Variants in SKI observed in about 807,000 individuals in gnomAD.
SKI encodes the protein ski oncogene.
A neutral mutation model predicts 59.3 loss-of-function variants in SKI; 23 were observed. The observed-to-expected ratio is 0.39, with a 90% CI of 0.28 to 0.55. The LOEUF (loss-of-function observed/expected upper bound fraction) is 0.55, where lower values mean the gene tolerates loss of function less well. Ranked by LOEUF, SKI falls within the 20% of genes least tolerant of loss-of-function variation. The probability of loss-of-function intolerance (pLI) is 0.67; values close to 1 mark genes in which losing one functional copy is unlikely to be tolerated. For missense variants in SKI, 1,017 were observed against 1,038.9 expected, an observed-to-expected ratio of 0.98 and a Z score of 0.29; for synonymous variants, 673 against 488.6, an observed-to-expected ratio of 1.38 and a Z score of -4.98.
chr1:2,257,965 C>T (rs1055020678), intron 1 of SKI, among the ~76,000 whole-genome samples: 9 of 152,024 alleles, frequency 5.9e-5, no homozygotes, highest in East Asian at 3.9e-4. Flanking sequence ...CTCGAACTCC[C>T]GACCTCAGGT....
chr1:2,239,271 A>G (rs565396210), intron 1 of SKI, among the ~76,000 whole-genome samples: 11 of 152,152 alleles, frequency 7.2e-5, no homozygotes, highest in Admixed American at 1.3e-4. Flanking sequence ...TTTTGTTAAC[A>G]TTCTTGGATG....
chr1:2,271,932 C>T (rs577129954), intron 1 of SKI, among the ~76,000 whole-genome samples: 20 of 152,320 alleles, frequency 1.3e-4, no homozygotes, highest in African/African-American at 4.8e-4. Flanking sequence ...CCGTGGATGG[C>T]TGGCGGGACT....
intron 1 of SKI, among the ~76,000 whole-genome samples, chr1:2,259,567 T>G (rs919850028): frequency 6.6e-6 from 1 of 152,190 alleles, no homozygotes; most frequent in Non-Finnish European, 1.5e-5. Context: ...TGAGGCATAA[T>G]TAACATAAGC....
intron 1 of SKI, among the ~76,000 whole-genome samples, chr1:2,279,260 G>A (rs565559345): frequency 6.7e-4 from 102 of 152,326 alleles, no homozygotes; most frequent in Non-Finnish European, 6.0e-4. Context: ...CCTGCTAGAC[G>A]CCCTGAGGAG....
intron 1 of SKI, among the ~76,000 whole-genome samples, chr1:2,254,000 G>A (rs753070562): frequency 1.1e-4 from 17 of 152,224 alleles, no homozygotes; most frequent in Non-Finnish European, 1.9e-4. Flanking sequence ...TGTGGACCAC[G>A]GCGGCAAGGG....
intron 1 of SKI, among the ~76,000 whole-genome samples, chr1:2,273,091 C>T (rs1413140096): frequency 2.6e-5 from 4 of 152,256 alleles, no homozygotes; most frequent in Admixed American, 2.6e-4. Flanking sequence ...CCTGAGATGG[C>T]TTCCGAGGCC....
At position 2,308,977 on chromosome 1, in the gene SKI, G is replaced by A. The variant is rs1557857598; in HGVS notation, c.*2212G>A. On this transcript the variant is annotated 3_prime_UTR_variant, in exon 7 of 7. Transcript: ENST00000378536. ...GGAGGGTCCAGCCAGTGTCACCTGG[G>A]CCCACCCTTTCCTGCAGCTGCCAGG... The A allele has an allele frequency of 2.0e-5, 3 of 152,250 alleles. No individual in the cohort carries two copies. Among genetic ancestry groups the A allele is most frequent in the South Asian group, 2.1e-4 (1 of 4,836 alleles). The allele number at this position is 152,250 out of a possible 1,614,324, so 9.4% of individuals were successfully genotyped here.
chr1:2,274,981 C>T (rs1230996809), intron 1 of SKI, among the ~76,000 whole-genome samples: 1 of 152,210 alleles, frequency 6.6e-6, no homozygotes, highest in African/African-American at 2.4e-5. Flanking sequence ...TCTTTCCAGG[C>T]ATCCCCAGGC....
At position 2,270,304 on chromosome 1, in the gene SKI, G is replaced by C. The variant is rs1639588958; in HGVS notation, c.970-32674G>C. The stretch of plus-strand genomic sequence containing the variant: ...CCCTGCGGGCCTGGCATGGGAGTAG[G>C]GGCTGAGAGATGCTGGTGACACCAC... On this transcript the variant is annotated intron_variant, in intron 1 of 6. Transcript: ENST00000378536. This position sits in a 1 kb window ranked among gnomAD's most constrained non-coding sequence, Gnocchi z 4.1. Among the ~76,000 whole-genome samples the C allele has an allele frequency of 6.6e-6, 1 of 152,204 alleles. No homozygotes were observed. Among genetic ancestry groups the C allele is most frequent in the Non-Finnish European group, 1.5e-5 (1 of 68,022 alleles).
intron 1 of SKI, among the ~76,000 whole-genome samples, chr1:2,256,658 G>A (rs773691566): frequency 2.6e-5 from 4 of 152,256 alleles, no homozygotes; most frequent in South Asian, 4.1e-4. Context: ...GGGCACCCGT[G>A]TATGGAGGGC....
At chr1:2,274,200 A>G (rs1467496648) in intron 1 of SKI, among the ~76,000 whole-genome samples, 2 of 152,104 alleles carry the variant, frequency 1.3e-5, no homozygotes. Context: ...AGCTCTGCTC[A>G]TGTGCTTTGC....
At chr1:2,276,465 C>T (rs1288801734) in intron 1 of SKI, among the ~76,000 whole-genome samples, 1 of 152,230 alleles carries the variant, frequency 6.6e-6, no homozygotes, top group Non-Finnish European at 1.5e-5. Context: ...CTTCTGTGGC[C>T]CTGGGATTGG....
chr1:2,284,287 A>G (rs1425974809), intron 1 of SKI, among the ~76,000 whole-genome samples: 7 of 152,060 alleles, frequency 4.6e-5, no homozygotes. Context: ...TGCTGCCGAG[A>G]CGTCCTGGTA....
intron 1 of SKI, among the ~76,000 whole-genome samples, chr1:2,235,385 C>T (rs554369485): frequency 3.4e-4 from 52 of 152,282 alleles, no homozygotes; most frequent in Admixed American, 3.3e-3. Context: ...CCGGGGTCTG[C>T]GGGCTGGAGG....
rs976008441 is a variant in SKI, at chr1:2,268,612, G to A, written c.970-34366G>A. Among the ~76,000 whole-genome samples the A allele has an allele frequency of 3.9e-5, 6 of 152,224 alleles. No individual in the cohort carries two copies. Among genetic ancestry groups the A allele is most frequent in the Admixed American group, 1.3e-4 (2 of 15,286 alleles). On this transcript the variant is annotated intron_variant, in intron 1 of 6. Transcript: ENST00000378536. The surrounding 1 kb of genome is among the most constrained non-coding windows in gnomAD (Gnocchi z 5.0). ...TGAATTTTCTTGGCTGGCTTGACAG[G>A]TCCCCCTTTCCCTCACCATGGAGTT...
At chr1:2,288,592 C>T (rs1348596300) in intron 1 of SKI, among the ~76,000 whole-genome samples, 2 of 152,192 alleles carry the variant, frequency 1.3e-5, no homozygotes, top group Non-Finnish European at 2.9e-5. Context: ...CGTGAGACCC[C>T]CAGGTGGTTT....
chr1:2,306,969 C>T lies in SKI; in HGVS notation c.*204C>T, dbSNP rs986454405. 1 of 330,886 alleles carries T rather than the reference C, an allele frequency of 3.0e-6. No homozygotes were observed. Among genetic ancestry groups the T allele is most frequent in the Non-Finnish European group, 5.4e-6 (1 of 184,100 alleles). The allele number at this position is 330,886 out of a possible 1,614,324, so 20.5% of individuals were successfully genotyped here. The stretch of plus-strand genomic sequence containing the variant: ...TGGCCAAGTTCAAGTGAGTAAGCCG[C>T]GTCCCCCAACTACAGCTGGAGACGG... On this transcript the variant is annotated 3_prime_UTR_variant, in exon 7 of 7. Transcript: ENST00000378536.
In SKI at chr1:2,306,133, G is replaced by T; in HGVS notation, c.1881G>T (p.Met627Ile). ...ERLRAENEKK[M>I]KEANESRLRL... ...TCCGCGCCGAGAACGAGAAGAAGAT[G>T]AAAGAGGCCAACGAGTCACGGCTGC... The change falls in exon 6 of 7, where the codon ATG becomes ATT. Residue 627 changes from methionine to isoleucine, a missense_variant. Coordinates refer to ENST00000378536, the MANE Select transcript of SKI (RefSeq NM_003036.4). The T allele has an allele frequency of 6.3e-7, 1 of 1,597,168 alleles. No homozygotes were observed. Among genetic ancestry groups the T allele is most frequent in the South Asian group, 1.1e-5 (1 of 88,268 alleles).
chr1:2,284,539 G>T (rs72927851), intron 1 of SKI, among the ~76,000 whole-genome samples: 4 of 152,218 alleles, frequency 2.6e-5, no homozygotes, highest in African/African-American at 4.8e-5. Flanking sequence ...AGGTGCCTGG[G>T]GGGGCAGGGA....
Sources: gnomAD v4.1 joint callset for allele counts (sites outside exome capture counted in the v4.1 genomes callset) on GRCh38, gnomAD v4.1.1 for gene constraint, Gnocchi (gnomAD v3.1) non-coding constraint, MANE v1.5 for transcripts, NCBI Gene and HGNC (gene_info 2026-07-23, HGNC 2026-07-21) for gene names.